Variants in STK3 observed in about 807,000 individuals in gnomAD.
STK3 encodes serine/threonine-protein kinase 3.
STK3 carries 41 observed loss-of-function variants against 58.0 expected under a neutral mutation model. That is an observed-to-expected ratio of 0.71 (90% CI 0.55 to 0.92). STK3 has a LOEUF of 0.92. Ranked by LOEUF, STK3 falls within the 40% of genes least tolerant of loss-of-function variation. The probability of loss-of-function intolerance (pLI) is 0.00; values close to 1 mark genes in which losing one functional copy is unlikely to be tolerated. For missense variants in STK3, 479 were observed against 602.7 expected (o/e 0.79, Z 2.15); for synonymous variants, 170 against 191.0 (o/e 0.89, Z 0.91).
intron 1 of STK3, among the ~76,000 whole-genome samples, chr8:98,825,310 G>T (rs1416780635): frequency 6.6e-6 from 1 of 152,082 alleles, no homozygotes; most frequent in Non-Finnish European, 1.5e-5. Flanking sequence ...CCGGCCGCAG[G>T]GGAGGCTCCG....
intron 10 of STK3, among the ~76,000 whole-genome samples, chr8:98,497,785 T>C (rs1161588852): frequency 6.6e-6 from 1 of 152,100 alleles, no homozygotes; most frequent in Non-Finnish European, 1.5e-5. Context: ...ATCAAGAAGA[T>C]AGACAATAGC....
intron 4 of STK3, among the ~76,000 whole-genome samples, chr8:98,710,561 G>A (rs1826327549): frequency 6.6e-6 from 1 of 152,240 alleles, no homozygotes; most frequent in Non-Finnish European, 1.5e-5. Context: ...AACAGTGTGA[G>A]ATCAAACTGC....
chr8:98,642,115 T>C (rs2130616590), intron 6 of STK3, among the ~76,000 whole-genome samples: 1 of 152,262 alleles, frequency 6.6e-6, no homozygotes, highest in Non-Finnish European at 1.5e-5. Context: ...CAATAATCCC[T>C]ACCATTCCAA....
At chr8:98,479,216 G>A (rs1020427133) in intron 10 of STK3, among the ~76,000 whole-genome samples, 3 of 152,082 alleles carry the variant, frequency 2.0e-5, no homozygotes, top group Non-Finnish European at 4.4e-5. Context: ...GGCCGGGTGC[G>A]GTGGCTCACA....
At chr8:98,496,442 T>A (rs1823141633) in intron 10 of STK3, among the ~76,000 whole-genome samples, 4 of 152,152 alleles carry the variant, frequency 2.6e-5, no homozygotes, top group Admixed American at 2.0e-4. Context: ...TTGTAATAAA[T>A]TTAACAAAAG....
intron 8 of STK3, among the ~76,000 whole-genome samples, chr8:98,551,439 T>C (rs2131595888): frequency 6.6e-6 from 1 of 152,242 alleles, no homozygotes; most frequent in African/African-American, 2.4e-5. Context: ...AGAATCAAAA[T>C]GAAGTCATTT....
chr8:98,521,908 C>A (rs1231059306), intron 10 of STK3, among the ~76,000 whole-genome samples: 1 of 152,148 alleles, frequency 6.6e-6, no homozygotes, highest in Non-Finnish European at 1.5e-5. Context: ...TATTCAAAAC[C>A]ACATGGCAAT....
At chr8:98,734,189 C>T (rs373999533) in intron 4 of STK3, among the ~76,000 whole-genome samples, 22 of 152,172 alleles carry the variant, frequency 1.4e-4, no homozygotes, top group African/African-American at 5.1e-4. Context: ...GGTCCCTCCC[C>T]GAACACTGGG....
chr8:98,483,867 T>C (rs1822030117), intron 10 of STK3, among the ~76,000 whole-genome samples: 1 of 152,180 alleles, frequency 6.6e-6, no homozygotes, highest in South Asian at 2.1e-4. Context: ...TAAGACCAGC[T>C]GCTAGGTGTC....
chr8:98,469,525 G>A (rs752565612), intron 10 of STK3, among the ~76,000 whole-genome samples: 2 of 152,220 alleles, frequency 1.3e-5, no homozygotes, highest in Non-Finnish European at 2.9e-5. Context: ...GGACATGGAA[G>A]CAGAGGCAGA....
intron 3 of STK3, among the ~76,000 whole-genome samples, chr8:98,852,488 A>T (rs1305631861): frequency 1.3e-5 from 2 of 152,158 alleles, no homozygotes; most frequent in Non-Finnish European, 2.9e-5. Flanking sequence ...AAACACCCTG[A>T]CCCAGTTAAT....
intron 10 of STK3, among the ~76,000 whole-genome samples, chr8:98,464,419 C>T (rs138783739): frequency 4.0e-5 from 6 of 150,952 alleles, no homozygotes; most frequent in Middle Eastern, 3.4e-3. Flanking sequence ...GAACAGGAAA[C>T]ACAACAAAGC....
intron 4 of STK3, among the ~76,000 whole-genome samples, chr8:98,718,520 C>T (rs936485141): frequency 1.1e-4 from 16 of 152,184 alleles, no homozygotes; most frequent in Non-Finnish European, 1.6e-4. Context: ...CACCATCCAA[C>T]AGAGTAACCA....
At chr8:98,693,267 T>C (rs1824550362) in intron 6 of STK3, among the ~76,000 whole-genome samples, 1 of 152,092 alleles carries the variant, frequency 6.6e-6, no homozygotes, top group Non-Finnish European at 1.5e-5. Flanking sequence ...CCATGGTAGC[T>C]TGTGCCTGTA....
At chr8:98,792,788 A>G (rs775267108) in intron 1 of STK3, among the ~76,000 whole-genome samples, 4 of 152,240 alleles carry the variant, frequency 2.6e-5, no homozygotes, top group Non-Finnish European at 4.4e-5. Context: ...AGAAGTCATT[A>G]TAAGAAAAAG....
intron 10 of STK3, among the ~76,000 whole-genome samples, chr8:98,494,269 G>C (rs965186645): frequency 6.6e-6 from 1 of 152,016 alleles, no homozygotes; most frequent in Non-Finnish European, 1.5e-5. Context: ...AAATACTGCA[G>C]CACCATTTTT....
intron 4 of STK3, among the ~76,000 whole-genome samples, chr8:98,726,096 C>A (rs1323326148): frequency 5.9e-5 from 9 of 152,160 alleles, no homozygotes; most frequent in Non-Finnish European, 5.9e-5. Flanking sequence ...CACTACAGAT[C>A]TGGCAATGAC....
intron 6 of STK3, among the ~76,000 whole-genome samples, chr8:98,606,710 C>A (rs938405276): frequency 1.3e-5 from 2 of 152,218 alleles, no homozygotes; most frequent in Non-Finnish European, 2.9e-5. Flanking sequence ...TTGGCAAACA[C>A]ATTCACATGT....
chr8:98,500,716 T>C (rs925515815), intron 10 of STK3, among the ~76,000 whole-genome samples: 1 of 152,214 alleles, frequency 6.6e-6, no homozygotes, highest in Non-Finnish European at 1.5e-5. Context: ...GCTTCATCCA[T>C]GTCCCTACAA....
Sources: gnomAD v4.1 joint callset for allele counts (sites outside exome capture counted in the v4.1 genomes callset) on GRCh38, gnomAD v4.1.1 for gene constraint, MANE v1.5 for transcripts, NCBI Gene and HGNC (gene_info 2026-07-23, HGNC 2026-07-21) for gene names.